PTOV1: variants seen among roughly 807,000 people sequenced by gnomAD.
PTOV1 encodes the protein PTOV1 extended AT-hook containing adaptor protein.
A neutral mutation model predicts 58.0 loss-of-function variants in PTOV1; 20 were observed. The observed-to-expected ratio is 0.34, with a 90% CI of 0.24 to 0.50. PTOV1 has a LOEUF of 0.50. PTOV1 is among the 20% of genes least tolerant of loss of function. The probability of loss-of-function intolerance (pLI) is 0.98; values close to 1 mark genes in which losing one functional copy is unlikely to be tolerated. For synonymous variants in PTOV1, 335 were observed against 234.2 expected, an observed-to-expected ratio of 1.43 and a Z score of -3.93; for missense variants, 593 against 565.4, an observed-to-expected ratio of 1.05 and a Z score of -0.50.
chr19:49,854,893 GACCC>G lies in PTOV1; in HGVS notation c.450+6_450+9del. On this transcript the variant is annotated splice_donor_region_variant and intron_variant, in intron 4 of 11. Transcript: ENST00000391842. ...CTGATCCCTCAGCAGCTGCTGGTGAGACCCGCCCCTCCCACCCCATCCACTCTGA... is the reference window on the plus strand; with the variant it reads ...CTGATCCCTCAGCAGCTGCTGGTGAGGCCCCTCCCACCCCATCCACTCTGA... 4 of 1,603,434 alleles carry G rather than the reference GACCC, an allele frequency of 2.5e-6. No individual in the cohort carries two copies. The highest frequency in any genetic ancestry group is 3.4e-6 in the Non-Finnish European group (4 of 1,173,228).
exon 7 of PTOV1, chr19:49,857,768 A>C (rs780371346): frequency 6.2e-7 from 1 of 1,614,164 alleles, no homozygotes; most frequent in South Asian, 1.1e-5. Context: ...GAGTGGTGTC[A>C]TGGAGTGGCA....
chr19:49,856,699 GGGGT>G, intron 5 of PTOV1: 1 of 440,272 alleles, frequency 2.3e-6, no homozygotes, highest in Admixed American at 3.7e-5. Flanking sequence ...CTGGCGGCAG[GGGGT>G]GATGTGGGTG....
intron 9 of PTOV1, 112 bp from the exon 10 acceptor site, chr19:49,858,437 G>C (rs1600394167): frequency 2.4e-6 from 2 of 820,806 alleles, no homozygotes; most frequent in East Asian, 5.4e-5. Flanking sequence ...CCTGAGGTAG[G>C]GAGGACAGGG....
At chr19:49,860,663 C>T in exon 12 of PTOV1, 1 of 409,608 alleles carries the variant, frequency 2.4e-6, no homozygotes, top group Non-Finnish European at 4.4e-6. Flanking sequence ...TGCCCAGCAA[C>T]ATGGAGGATG....
At position 49,854,868 on chromosome 19, in the gene PTOV1, C is replaced by T. The variant is rs757644724; in HGVS notation, c.430C>T (p.Leu144=). The change falls in exon 4 of 12, where the codon CTG becomes TTG. Residue 144 remains leucine (L), a synonymous_variant. Transcript: ENST00000391842. Reference sequence around the variant, plus strand: ...GTGGCCGCAGAAGCTGATCATGCAGCTGATCCCTCAGCAGCTGCTGGTGAG... The same window carrying T: ...GTGGCCGCAGAAGCTGATCATGCAGTTGATCCCTCAGCAGCTGCTGGTGAG... 1.2e-5 allele frequency: 19 copies of T among 1,613,352 alleles called. No individual in the cohort carries two copies. The South Asian group carries it at 1.9e-4, about 16-fold the overall frequency.
At chr19:49,853,674 T>C (rs1253743157) in intron 1 of PTOV1, among the ~76,000 whole-genome samples, 1 of 152,090 alleles carries the variant, frequency 6.6e-6, no homozygotes, top group East Asian at 1.9e-4. Context: ...ATTTGTGGCG[T>C]TGCTTGGCTT....
chr19:49,850,978 C>T (rs1220047342), upstream of PTOV1: 1 of 1,535,386 alleles, frequency 6.5e-7, no homozygotes, highest in South Asian at 1.2e-5. Flanking sequence ...GTTCCCGCCA[C>T]GCCCCCTGAA....
chr19:49,850,997 T>G (rs2074216864), upstream of PTOV1: 1 of 1,534,316 alleles, frequency 6.5e-7, no homozygotes, highest in Non-Finnish European at 8.7e-7. Context: ...AAGTTGTGGC[T>G]CGCGCGTCTT....
chr19:49,855,181 C>A, intron 5 of PTOV1, 104 bp downstream of exon 5: 1 of 1,140,404 alleles, frequency 8.8e-7, no homozygotes, highest in Non-Finnish European at 1.3e-6. Flanking sequence ...TCCCCTGGGG[C>A]CGAGGGTAGC....
At chr19:49,851,357 G>T (rs942810985) in exon 1 of PTOV1, 1 of 1,099,714 alleles carries the variant, frequency 9.1e-7, no homozygotes, top group Non-Finnish European at 1.1e-6. Flanking sequence ...GCCCCGTACC[G>T]CTCCGGCGCC....
chr19:49,856,913 G>C, intron 5 of PTOV1, 62 bp from the exon 6 acceptor site: 1 of 1,596,078 alleles, frequency 6.3e-7, no homozygotes, highest in Non-Finnish European at 8.5e-7. Flanking sequence ...GGCGGTCCAG[G>C]GTGGTGGGGG....
intron 1 of PTOV1, among the ~76,000 whole-genome samples, chr19:49,853,997 C>T (rs948442397): frequency 2.6e-5 from 4 of 152,214 alleles, no homozygotes; most frequent in Admixed American, 1.3e-4. Flanking sequence ...CAGCGCAAGC[C>T]GGCTTGTGCC....
At chr19:49,858,580 G>T in exon 10 of PTOV1, 3 of 1,605,328 alleles carry the variant, frequency 1.9e-6, no homozygotes, top group Non-Finnish European at 2.6e-6. Context: ...CGGAACTCGC[G>T]CCTGGTCCAG....
rs528262253 is a variant in PTOV1 at position 49,851,555 on chromosome 19, A to G, written c.171+56A>G. On this transcript the variant is annotated intron_variant, in intron 1 of 11. Transcript: ENST00000391842. ...CCACGGCCCCGCCCCCCCAGCCCCT[A>G]TCCCGGGCTCACGCCTTTGTCCGCA... 5.8e-5 allele frequency: 57 copies of G among 980,274 alleles called. No individual in the cohort carries two copies. In the African/African-American group the frequency reaches 7.5e-4, roughly 13 times the overall value. The allele number at this position is 980,274 out of a possible 1,614,324, so 60.7% of individuals were successfully genotyped here.
chr19:49,857,160 G>T (rs750070738), intron 6 of PTOV1, 30 bp downstream of exon 6: 1 of 1,612,236 alleles, frequency 6.2e-7, no homozygotes, highest in East Asian at 2.2e-5. Context: ...CCCCTCTGGG[G>T]ACAGAGGGGG....
chr19:49,859,537 A>G (rs796320718), intron 10 of PTOV1, among the ~76,000 whole-genome samples: 3 of 150,962 alleles, frequency 2.0e-5, no homozygotes, highest in Admixed American at 6.6e-5. Context: ...ATGCCATTGT[A>G]CTCCAGCCTG....
intron 6 of PTOV1, chr19:49,857,429 G>A (rs2074523758): frequency 6.6e-6 from 4 of 605,300 alleles, no homozygotes; most frequent in Non-Finnish European, 1.2e-5. Context: ...TGGTAACCAC[G>A]TGTCCTGGTC....
chr19:49,859,253 G>C (rs530230233), intron 10 of PTOV1: 1 of 152,910 alleles, frequency 6.5e-6, no homozygotes, highest in Non-Finnish European at 1.5e-5. Context: ...TCGTGGGTGG[G>C]GGGGGCCTGG....
At chr19:49,855,615 G>A (rs1370461863) in intron 5 of PTOV1, 1 of 170,364 alleles carries the variant, frequency 5.9e-6, no homozygotes, top group Non-Finnish European at 1.3e-5. Flanking sequence ...GCTGTGCAGG[G>A]ACTGAGTGGG....
Sources: allele counts gnomAD v4.1 joint callset (sites outside exome capture counted in the v4.1 genomes callset), GRCh38; gene constraint gnomAD v4.1.1; transcripts MANE v1.5; gene names NCBI Gene and HGNC (gene_info 2026-07-23, HGNC 2026-07-21).